Variants in RALYL observed in about 807,000 individuals in gnomAD.
RALYL encodes the protein RNA-binding Raly-like protein.
RALYL carries 29 observed loss-of-function variants against 35.1 expected under a neutral mutation model. The observed-to-expected ratio is 0.83, with a 90% CI of 0.61 to 1.13. The LOEUF (loss-of-function observed/expected upper bound fraction) is 1.13, where lower values mean the gene tolerates loss of function less well. RALYL is among the 50% of genes most tolerant of loss of function. RALYL has a pLI of 0.00. For synonymous variants in RALYL, 120 were observed against 127.6 expected (o/e 0.94, Z 0.40); for missense variants, 359 against 360.4 (o/e 1.00, Z 0.03).
intron 1 of RALYL, among the ~76,000 whole-genome samples, chr8:84,376,970 C>T (rs893862827): frequency 2.0e-5 from 3 of 151,618 alleles, no homozygotes; most frequent in East Asian, 1.9e-4. Flanking sequence ...GAGGAAGAGC[C>T]ACTGAAGTAA....
chr8:84,197,728 G>A (rs375074100), intron 1 of RALYL, among the ~76,000 whole-genome samples: 25 of 149,600 alleles, frequency 1.7e-4, no homozygotes, highest in Admixed American at 3.3e-4. Flanking sequence ...CCAGGAGTTC[G>A]AGACTGCCTG....
chr8:84,260,948 A>G (rs555575400), intron 1 of RALYL, among the ~76,000 whole-genome samples: 1 of 152,288 alleles, frequency 6.6e-6, no homozygotes, highest in South Asian at 2.1e-4. Flanking sequence ...TGAGTGTGAT[A>G]AACATTTTCT....
chr8:84,432,718 A>G (rs768584726), intron 1 of RALYL, among the ~76,000 whole-genome samples: 10 of 152,082 alleles, frequency 6.6e-5, no homozygotes, highest in Non-Finnish European at 1.5e-4. Flanking sequence ...GACAATGTGA[A>G]TTTACAAAGG....
rs935915600 is a variant in RALYL, at chr8:84,366,547, A to G, written c.-23-162752A>G. 2.0e-5 allele frequency among the ~76,000 whole-genome samples: 3 copies of G among 151,968 alleles called. No homozygotes were observed. In the South Asian group the frequency reaches 6.2e-4, roughly 32 times the overall value. On this transcript the variant is annotated intron_variant, in intron 1 of 8. Transcript: ENST00000521268. ...ATCCCAGCCCTTTGGGAGGCTGAGG[A>G]GGGCAGATCATGAGGTCAGGGGATC...
chr8:84,236,398 C>T (rs1262306723), intron 1 of RALYL, among the ~76,000 whole-genome samples: 1 of 152,172 alleles, frequency 6.6e-6, no homozygotes, highest in Non-Finnish European at 1.5e-5. Context: ...TTTAGATTCA[C>T]AGCCTTGGCT....
intron 8 of RALYL, among the ~76,000 whole-genome samples, chr8:84,895,417 T>C (rs1193801599): frequency 2.0e-5 from 3 of 152,106 alleles, no homozygotes; most frequent in African/African-American, 4.8e-5. Flanking sequence ...TATCCTCTTA[T>C]ATATTTTTTT....
intron 1 of RALYL, among the ~76,000 whole-genome samples, chr8:84,273,552 T>A (rs1834752445): frequency 6.6e-6 from 1 of 152,236 alleles, no homozygotes; most frequent in Non-Finnish European, 1.5e-5. Context: ...CACAAGGACA[T>A]GATACAAGGA....
chr8:84,467,734 A>C lies in RALYL; in HGVS notation c.-23-61565A>C, dbSNP rs1257501682. 4.0e-5 allele frequency among the ~76,000 whole-genome samples: 6 copies of C among 150,794 alleles called. No individual in the cohort carries two copies. The East Asian group carries it at 9.7e-4, about 24-fold the overall frequency. Reference sequence around the variant, plus strand: ...TGTCTCGTTGATCTGTCTAATGTTGACAGTGGAGTGTTAAAGTCTCCCATT... The same window carrying C: ...TGTCTCGTTGATCTGTCTAATGTTGCCAGTGGAGTGTTAAAGTCTCCCATT... On this transcript the variant is annotated intron_variant, in intron 1 of 8. Transcript: ENST00000521268.
rs1374080073 is a variant in RALYL, at chr8:84,690,215, C to T, written c.257-84364C>T. Among the ~76,000 whole-genome samples the T allele has an allele frequency of 4.6e-5, 7 of 152,188 alleles. No individual in the cohort carries two copies. In the East Asian group the frequency reaches 9.7e-4, roughly 21 times the overall value. On this transcript the variant is annotated intron_variant, in intron 2 of 8. Coordinates refer to ENST00000521268, the MANE Select transcript of RALYL (RefSeq NM_173848.7). ...TTGAGCCTTAAAAAATGGAGGAAAT[C>T]TTGTCTTTTATAACCACATGGATGT...
At chr8:84,727,873 T>C (rs1481480010) in intron 2 of RALYL, among the ~76,000 whole-genome samples, 1 of 152,148 alleles carries the variant, frequency 6.6e-6, no homozygotes, top group African/African-American at 2.4e-5. Flanking sequence ...CAGTCTATCA[T>C]TGTTGGACAT....
At chr8:84,776,314 T>C (rs1816830655) in intron 3 of RALYL, among the ~76,000 whole-genome samples, 1 of 152,164 alleles carries the variant, frequency 6.6e-6, no homozygotes, top group Non-Finnish European at 1.5e-5. Flanking sequence ...CTCTACTGTA[T>C]GGTATTCAGA....
At chr8:84,533,915 G>C (rs547823875) in intron 2 of RALYL, among the ~76,000 whole-genome samples, 1 of 152,188 alleles carries the variant, frequency 6.6e-6, no homozygotes. Flanking sequence ...AACAATTCCC[G>C]TCAAGCATGT....
At chr8:84,633,365 C>G (rs1291110340) in intron 2 of RALYL, among the ~76,000 whole-genome samples, 3 of 151,694 alleles carry the variant, frequency 2.0e-5, no homozygotes, top group Non-Finnish European at 4.4e-5. Context: ...CCGCTACTTC[C>G]TTTCCCCCCT....
chr8:84,302,368 A>G (rs1214678789), intron 1 of RALYL, among the ~76,000 whole-genome samples: 2 of 152,142 alleles, frequency 1.3e-5, no homozygotes, highest in African/African-American at 2.4e-5. Context: ...GTTGAACAGG[A>G]TACTCGCTAA....
chr8:84,284,636 T>G (rs1563667570), intron 1 of RALYL, among the ~76,000 whole-genome samples: 1 of 152,150 alleles, frequency 6.6e-6, no homozygotes, highest in Non-Finnish European at 1.5e-5. Flanking sequence ...CATAGACCAT[T>G]GGCAGTGCTT....
chr8:84,276,818 C>T (rs148497353), intron 1 of RALYL, among the ~76,000 whole-genome samples: 2,887 of 152,250 alleles, frequency 0.019, 42 homozygotes, highest in Non-Finnish European at 0.031. Flanking sequence ...AAGAATAAAA[C>T]AAAACTAATA....
At chr8:84,685,214 C>T (rs976571074) in intron 2 of RALYL, among the ~76,000 whole-genome samples, 1 of 152,038 alleles carries the variant, frequency 6.6e-6, no homozygotes, top group Non-Finnish European at 1.5e-5. Context: ...AGGAAAGAAA[C>T]AGAAGAGCAG....
chr8:84,576,721 C>G (rs1809524509), intron 2 of RALYL, among the ~76,000 whole-genome samples: 1 of 152,302 alleles, frequency 6.6e-6, no homozygotes, highest in Non-Finnish European at 1.5e-5. Flanking sequence ...CTAGACCTAT[C>G]TGTCTATTGC....
intron 7 of RALYL, among the ~76,000 whole-genome samples, chr8:84,884,125 A>T (rs529220154): frequency 6.6e-6 from 1 of 152,164 alleles, no homozygotes; most frequent in African/African-American, 2.4e-5. Context: ...TTGATAACTG[A>T]CTTGAATTGT....
Sources: gnomAD v4.1 joint callset for allele counts (sites outside exome capture counted in the v4.1 genomes callset) on GRCh38, gnomAD v4.1.1 for gene constraint, MANE v1.5 for transcripts, NCBI Gene and HGNC (gene_info 2026-07-23, HGNC 2026-07-21) for gene names.